The following SIDT1 variants were observed in gnomAD, a reference collection of about 807,000 sequenced individuals.
SIDT1 encodes SID1 transmembrane family member 1.
A neutral mutation model predicts 107.5 loss-of-function variants in SIDT1; 101 were observed. The observed-to-expected ratio is 0.94, with a 90% CI of 0.80 to 1.11. The LOEUF (loss-of-function observed/expected upper bound fraction) is 1.11. Ranked by LOEUF, SIDT1 falls within the 50% of genes least tolerant of loss-of-function variation. SIDT1 has a pLI of 0.00. For missense variants in SIDT1, 1,076 were observed against 1,058.2 expected, an observed-to-expected ratio of 1.02 and a Z score of -0.23; for synonymous variants, 395 against 398.2, an observed-to-expected ratio of 0.99 and a Z score of 0.10.
At chr3:113,624,700 C>A (rs1335542371) in intron 23 of SIDT1, among the ~76,000 whole-genome samples, 1 of 152,124 alleles carries the variant, frequency 6.6e-6, no homozygotes, top group African/African-American at 2.4e-5. Flanking sequence ...CTCCCCCCAC[C>A]CTTCCTGGAC....
At chr3:113,633,114 TCGAGAGCA>T (rs1947103942), downstream of SIDT1, 1 of 152,168 alleles carries the variant, frequency 6.6e-6, no homozygotes, top group Non-Finnish European at 1.5e-5. Flanking sequence ...GCTGAATTCC[TCGAGAGCA>T]TATTTGGTTC....
In SIDT1 at chr3:113,627,875, C is replaced by A. The variant is rs889314567; in HGVS notation, c.*167C>A. 5 of 631,834 alleles carry A rather than the reference C, an allele frequency of 7.9e-6. No homozygotes were observed. In the African/African-American group the frequency reaches 9.2e-5, roughly 12 times the overall value. 39.1% of individuals were successfully genotyped at this position (631,834 alleles called of 1,614,324 possible). Reference sequence around the variant, plus strand: ...AGGGGCTGCGGGAGATTTAAACCTGCAAGAAAGGAGGCAGAAGGGGAGCCA... The same window carrying A: ...AGGGGCTGCGGGAGATTTAAACCTGAAAGAAAGGAGGCAGAAGGGGAGCCA... On this transcript the variant is annotated 3_prime_UTR_variant, in exon 25 of 25. Transcript: ENST00000264852.
intron 7 of SIDT1, among the ~76,000 whole-genome samples, chr3:113,584,043 T>G (rs1050114752): frequency 6.6e-6 from 1 of 152,196 alleles, no homozygotes; most frequent in East Asian, 1.9e-4. Context: ...CAAATAGTTA[T>G]GGTTAACTAC....
intron 1 of SIDT1, among the ~76,000 whole-genome samples, chr3:113,551,776 C>T (rs1940264160): frequency 6.6e-6 from 1 of 151,704 alleles, no homozygotes; most frequent in Admixed American, 6.6e-5. Flanking sequence ...TCCCATGAAC[C>T]ATGGTCTTAC....
chr3:113,589,478 A>G (rs1340351435), intron 9 of SIDT1, among the ~76,000 whole-genome samples: 1 of 150,556 alleles, frequency 6.6e-6, no homozygotes, highest in Non-Finnish European at 1.5e-5. Flanking sequence ...GAACTTCACC[A>G]CAGCCTCTTT....
At chr3:113,585,052 G>A in intron 8 of SIDT1, 125 bp from the exon 9 acceptor site, 1 of 730,234 alleles carries the variant, frequency 1.4e-6, no homozygotes, top group Non-Finnish European at 2.3e-6. Context: ...GTTTTGCTGT[G>A]AACAAAAATT....
chr3:113,551,946 A>C (rs1940297799), intron 1 of SIDT1, among the ~76,000 whole-genome samples: 1 of 151,956 alleles, frequency 6.6e-6, no homozygotes, highest in African/African-American at 2.4e-5. Context: ...CCTGTCTGTT[A>C]CTTCAGGGAA....
intron 3 of SIDT1, among the ~76,000 whole-genome samples, chr3:113,570,816 G>A (rs1942379187): frequency 6.6e-6 from 1 of 152,178 alleles, no homozygotes; most frequent in Admixed American, 6.5e-5. Context: ...AGCCTATAAT[G>A]TATATGGAAC....
At chr3:113,615,129 G>A in intron 19 of SIDT1, 1 of 1,529,616 alleles carries the variant, frequency 6.5e-7, no homozygotes, top group South Asian at 1.2e-5. Flanking sequence ...GTATCAAAGT[G>A]ATCCACCTGG....
In SIDT1 at chr3:113,576,932, G is replaced by A; in HGVS notation, c.526G>A (p.Ala176Thr). The A allele has an allele frequency of 6.2e-7, 1 of 1,614,056 alleles. No homozygotes were observed. Among genetic ancestry groups the A allele is most frequent in the Non-Finnish European group, 8.5e-7 (1 of 1,180,004 alleles). The change falls in exon 4 of 25, where the codon GCC (alanine) becomes ACC (threonine). Residue 176 changes from alanine to threonine, a missense_variant. Coordinates refer to ENST00000264852, the MANE Select transcript of SIDT1 (RefSeq NM_017699.3). Reference sequence around the variant, plus strand: ...ACTTACGTTTCTCAGGACAAATGTTGCCTTTCACTTTACTGCCAGCCCCTC... The same window carrying A: ...ACTTACGTTTCTCAGGACAAATGTTACCTTTCACTTTACTGCCAGCCCCTC... ...LKHFQLRTNVAFHFTASPSQP... is the reference protein window; with the variant it reads ...LKHFQLRTNVTFHFTASPSQP...
chr3:113,553,331 C>G (rs1940481104), intron 1 of SIDT1, among the ~76,000 whole-genome samples: 1 of 152,114 alleles, frequency 6.6e-6, no homozygotes, highest in African/African-American at 2.4e-5. Context: ...TGGCTCCAGT[C>G]TGGCAATAAA....
At position 113,603,941 on chromosome 3, in the gene SIDT1, T is replaced by G. The variant is rs769190228; in HGVS notation, c.1264-19T>G. On this transcript the variant is annotated intron_variant, in intron 12 of 24. Coordinates refer to ENST00000264852, the MANE Select transcript of SIDT1 (RefSeq NM_017699.3). ...GAGCTGAGTACAGTTTTGCATTCTC[T>G]TTTTATTTGGCATTCCAGATGTTCC... The G allele has an allele frequency of 6.2e-7, 1 of 1,600,688 alleles. No individual in the cohort carries two copies. Among genetic ancestry groups the G allele is most frequent in the African/African-American group, 1.3e-5 (1 of 74,586 alleles).
At position 113,567,642 on chromosome 3, in the gene SIDT1, C is replaced by A. The variant is rs757199013; in HGVS notation, c.447C>A (p.Val149=). ...GPLQQLIFVD[V]ASMAPLGAQY... Reference sequence around the variant, plus strand: ...TGCAGCAACTGATATTTGTAGATGTCGCATCCATGGCACCCCTGGGTGCTC... The same window carrying A: ...TGCAGCAACTGATATTTGTAGATGTAGCATCCATGGCACCCCTGGGTGCTC... The change falls in exon 3 of 25, where the codon GTC becomes GTA. Residue 149 remains valine, a synonymous_variant. Transcript: ENST00000264852. The A allele has an allele frequency of 1.2e-6, 2 of 1,614,086 alleles. No homozygotes were observed. The highest frequency in any genetic ancestry group is 1.7e-6 in the Non-Finnish European group (2 of 1,179,982).
At chr3:113,588,031 G>T (rs1303001253) in intron 9 of SIDT1, among the ~76,000 whole-genome samples, 3 of 152,190 alleles carry the variant, frequency 2.0e-5, no homozygotes, top group Non-Finnish European at 4.4e-5. Flanking sequence ...CTCTAATCCT[G>T]ATGTTTTAGA....
downstream of SIDT1, among the ~76,000 whole-genome samples, chr3:113,629,980 CA>C (rs1947074097): frequency 1.3e-5 from 2 of 152,326 alleles, no homozygotes; most frequent in East Asian, 3.9e-4. Context: ...TAAAGTCATT[CA>C]GCTGCATCTG....
At chr3:113,631,887 G>A (rs1947097531), downstream of SIDT1, among the ~76,000 whole-genome samples, 1 of 152,178 alleles carries the variant, frequency 6.6e-6, no homozygotes, top group Non-Finnish European at 1.5e-5. Flanking sequence ...CCCAATTTTA[G>A]AGAAAAGATC....
At position 113,532,731 on chromosome 3, in the gene SIDT1, GA is replaced by G. The variant is rs879095498; in HGVS notation, c.-288del. ...TAAGTGGGGGGATTCTCGGCGATGAGAAACGGGGGACTTAGAAGCCGGAGGA... is the reference window on the plus strand; with the variant it reads ...TAAGTGGGGGGATTCTCGGCGATGAGAACGGGGGACTTAGAAGCCGGAGGA... On this transcript the variant is annotated 5_prime_UTR_variant, in exon 1 of 25. It removes the in-frame stop codon of an upstream open reading frame in the 5' UTR. Coordinates refer to ENST00000264852, the MANE Select transcript of SIDT1 (RefSeq NM_017699.3). The G allele has an allele frequency of 5.5e-5, 19 of 344,364 alleles. No homozygotes were observed. In the South Asian group the frequency reaches 2.7e-3, roughly 49 times the overall value. 21.3% of individuals were successfully genotyped at this position (344,364 alleles called of 1,614,324 possible). A position where few individuals can be genotyped will look rare whatever the true frequency, so the allele number is the denominator to read the frequency against.
intron 21 of SIDT1, among the ~76,000 whole-genome samples, chr3:113,621,585 AT>A (rs1946468774): frequency 6.6e-6 from 1 of 152,246 alleles, no homozygotes; most frequent in African/African-American, 2.4e-5. Flanking sequence ...TAATTATCTT[AT>A]TAGAAGCCAT....
chr3:113,560,785 T>C (rs533380813), intron 1 of SIDT1, among the ~76,000 whole-genome samples: 80 of 152,366 alleles, frequency 5.3e-4, no homozygotes, highest in Middle Eastern at 3.4e-3. Flanking sequence ...GATTTTTGAA[T>C]TGAATTCATT....
Sources: allele counts gnomAD v4.1 joint callset (sites outside exome capture counted in the v4.1 genomes callset), GRCh38; gene constraint gnomAD v4.1.1; transcripts MANE v1.5; gene names NCBI Gene and HGNC (gene_info 2026-07-23, HGNC 2026-07-21).